MKKS: variants seen among roughly 807,000 people sequenced by gnomAD.
MKKS encodes molecular chaperone MKKS.
In MKKS, 29 loss-of-function variants were observed where a neutral mutation model predicts 33.2. That is an observed-to-expected ratio of 0.87 (90% CI 0.65 to 1.19). The LOEUF is 1.19. Among genes scored for constraint, MKKS ranks in the 50% most tolerant of loss-of-function variants. The pLI is 0.00. For missense variants in MKKS, 661 were observed against 662.3 expected (o/e 1.00, Z 0.02); for synonymous variants, 260 against 244.0 (o/e 1.07, Z -0.61).
chr20:10,415,198 G>A (rs748862397), intron 2 of MKKS, among the ~76,000 whole-genome samples: 5 of 152,120 alleles, frequency 3.3e-5, no homozygotes, highest in Admixed American at 6.6e-5. Flanking sequence ...TGTTGAGGCC[G>A]GGTGTTTTAA....
At chr20:10,428,843 CAATA>C (rs112459810) in intron 1 of MKKS, among the ~76,000 whole-genome samples, 98,534 of 150,978 alleles carry the variant, frequency 0.65, 32,612 homozygotes, top group Middle Eastern at 0.71. Context: ...GACTCCGTCT[CAATA>C]AATAAATAAA....
intron 2 of MKKS, among the ~76,000 whole-genome samples, chr20:10,414,326 C>A (rs918109936): frequency 7.0e-6 from 1 of 141,966 alleles, no homozygotes; most frequent in South Asian, 2.3e-4. Flanking sequence ...AGTGCAATGG[C>A]GTGATCTTGG....
chr20:10,410,464 T>C (rs1330317852), intron 3 of MKKS, among the ~76,000 whole-genome samples: 2 of 151,922 alleles, frequency 1.3e-5, no homozygotes, highest in Non-Finnish European at 2.9e-5. Flanking sequence ...AACCTGTCTC[T>C]ACTAAAAATA....
intron 1 of MKKS, among the ~76,000 whole-genome samples, chr20:10,421,139 A>G (rs546682999): frequency 6.6e-6 from 1 of 152,312 alleles, no homozygotes; most frequent in South Asian, 2.1e-4. Context: ...TTTAAAAATT[A>G]TAATTACAGG....
chr20:10,405,553 G>A lies in MKKS; in HGVS notation c.1407C>T (p.Leu469=). Residue 469 remains leucine, a synonymous_variant, in exon 6 of 6, where the codon CTC becomes CTT. Transcript: ENST00000347364. Reference sequence around the variant, plus strand: ...AAAGGTGTCCATACTTCATGTCAGTGAGAATTTCACCTCCATCATGTTCTA... The same window carrying A: ...AAAGGTGTCCATACTTCATGTCAGTAAGAATTTCACCTCCATCATGTTCTA... ...GSLEHDGGEI[L]TDMKYGHLWS... is the part of the protein sequence containing the mutation. 7 of 1,614,190 alleles carry A rather than the reference G, an allele frequency of 4.3e-6. No individual in the cohort carries two copies. Among genetic ancestry groups the A allele is most frequent in the Non-Finnish European group, 5.9e-6 (7 of 1,180,038 alleles).
At position 10,405,468 on chromosome 20, in the gene MKKS, C is replaced by T. The variant is rs1445391123; in HGVS notation, c.1492G>A (p.Gly498Ser). 1 of 1,614,178 alleles carries T rather than the reference C, an allele frequency of 6.2e-7. No individual in the cohort carries two copies. The highest frequency in any genetic ancestry group is 1.1e-5 in the South Asian group (1 of 91,086). ...ANWPDLLSQCGCGLYNSQEEL... is the reference protein window; with the variant it reads ...ANWPDLLSQCSCGLYNSQEEL... The stretch of plus-strand genomic sequence containing the variant: ...TCCTGGCTATTGTATAATCCACAGC[C>T]ACACTGTGAAAGCAAATCTGGCCAG... The change falls in exon 6 of 6, where the codon GGC (glycine) becomes AGC (serine). Residue 498 changes from glycine to serine, a missense_variant. Coordinates refer to ENST00000347364, the MANE Select transcript of MKKS (RefSeq NM_170784.3).
chr20:10,415,955 T>G (rs542768993), intron 2 of MKKS, among the ~76,000 whole-genome samples: 1 of 151,852 alleles, frequency 6.6e-6, no homozygotes, highest in Non-Finnish European at 1.5e-5. Context: ...GGTCTAGACC[T>G]GAACAAAAGA....
At chr20:10,408,887 A>C (rs1249631984) in intron 3 of MKKS, 84 bp from the exon 4 acceptor site, 9 of 1,032,656 alleles carry the variant, frequency 8.7e-6, no homozygotes, top group Middle Eastern at 3.1e-4. Context: ...ATTCCTAGCC[A>C]ACATAAAAGC....
intron 2 of MKKS, among the ~76,000 whole-genome samples, chr20:10,417,849 G>A (rs919877160): frequency 4.6e-5 from 7 of 152,136 alleles, no homozygotes; most frequent in African/African-American, 1.7e-4. Context: ...GGAAATAGGG[G>A]AGAGAAAGAG....
intron 1 of MKKS, among the ~76,000 whole-genome samples, chr20:10,430,282 T>C (rs555793349): frequency 1.3e-5 from 2 of 152,328 alleles, no homozygotes; most frequent in East Asian, 3.9e-4. Context: ...CTTTGAATCT[T>C]CACTTACCAC....
chr20:10,412,892 CTT>C lies in MKKS; in HGVS notation c.621_622del (p.Arg208SerfsTer13). 1 of 1,613,912 alleles carries C rather than the reference CTT, an allele frequency of 6.2e-7. No homozygotes were observed. The highest frequency in any genetic ancestry group is 8.5e-7 in the Non-Finnish European group (1 of 1,179,918). ...AGGTAATACAGTGGAATCTATAACT[CTT>C]TGACCTTTTAAAGGTACAATTAAAC... is the stretch of plus-strand genomic sequence containing the variant. On this transcript the variant is annotated frameshift_variant, in exon 3 of 6. Transcript: ENST00000347364. LOFTEE classifies it high-confidence loss of function.
intron 1 of MKKS, among the ~76,000 whole-genome samples, chr20:10,427,570 A>G (rs1015786434): frequency 6.6e-6 from 1 of 152,204 alleles, no homozygotes; most frequent in Non-Finnish European, 1.5e-5. Context: ...ATCAACATTC[A>G]AAAGTTATTT....
intron 1 of MKKS, among the ~76,000 whole-genome samples, chr20:10,427,039 C>CAG (rs200610640): frequency 0.023 from 1,761 of 77,638 alleles, 72 homozygotes; most frequent in African/African-American, 0.05. Flanking sequence ...GACACACACA[C>CAG]ACACACACAC....
At chr20:10,421,408 C>T (rs2064979651) in intron 1 of MKKS, among the ~76,000 whole-genome samples, 1 of 135,774 alleles carries the variant, frequency 7.4e-6, no homozygotes, top group East Asian at 2.1e-4. Flanking sequence ...CAGAATGAGA[C>T]TCCATCACAA....
chr20:10,428,911 T>C (rs893799701), intron 1 of MKKS, among the ~76,000 whole-genome samples: 1 of 152,184 alleles, frequency 6.6e-6, no homozygotes, highest in Non-Finnish European at 1.5e-5. Flanking sequence ...ATTACCTGTG[T>C]TCCAGTCCCA....
At chr20:10,428,358 A>C (rs999576864) in intron 1 of MKKS, among the ~76,000 whole-genome samples, 2 of 152,186 alleles carry the variant, frequency 1.3e-5, no homozygotes, top group Non-Finnish European at 2.9e-5. Flanking sequence ...TACAGCAAAC[A>C]CTTTATGTTC....
At position 10,408,790 on chromosome 20, in the gene MKKS, A is replaced by G; in HGVS notation, c.999T>C (p.Ile333=). Reference sequence around the variant, plus strand: ...TAGGACATATTGAGCCTAGGGATCCAATAGGCTGTGTTCCTATTTTTTAAA... The same window carrying G: ...TAGGACATATTGAGCCTAGGGATCCGATAGGCTGTGTTCCTATTTTTTAAA... The part of the protein sequence containing the change: ...PLTKMTGTQP[I]GSLGSICPNS... The change falls in exon 4 of 6, where the codon ATT becomes ATC. Residue 333 remains isoleucine (I), a synonymous_variant. Coordinates refer to ENST00000347364, the MANE Select transcript of MKKS (RefSeq NM_170784.3). 1 of 1,612,564 alleles carries G rather than the reference A, an allele frequency of 6.2e-7. No individual in the cohort carries two copies. Among genetic ancestry groups the G allele is most frequent in the Non-Finnish European group, 8.5e-7 (1 of 1,178,794 alleles).
chr20:10,425,053 CA>C (rs372986156), intron 1 of MKKS, among the ~76,000 whole-genome samples: 2,067 of 122,204 alleles, frequency 0.017, 66 homozygotes, highest in Admixed American at 0.094. Flanking sequence ...AACTCCGTCT[CA>C]AAAAAAAAAA....
intron 1 of MKKS, among the ~76,000 whole-genome samples, chr20:10,426,483 T>C (rs2065015467): frequency 6.6e-6 from 1 of 151,380 alleles, no homozygotes; most frequent in Admixed American, 6.6e-5. Flanking sequence ...TCGGCTCACC[T>C]CCGCATGCCA....
Sources: gnomAD v4.1 joint callset for allele counts (sites outside exome capture counted in the v4.1 genomes callset) on GRCh38, gnomAD v4.1.1 for gene constraint, MANE v1.5 for transcripts, NCBI Gene and HGNC (gene_info 2026-07-23, HGNC 2026-07-21) for gene names.